The following PDE1A variants were observed in gnomAD, a reference collection of about 807,000 sequenced individuals.
PDE1A encodes the protein phosphodiesterase 1A, also known as dual specificity calcium/calmodulin-dependent 3',5'-cyclic nucleotide phosphodiesterase 1A.
A neutral mutation model predicts 61.7 loss-of-function variants in PDE1A; 35 were observed. The observed-to-expected ratio is 0.57, with a 90% CI of 0.43 to 0.75. The LOEUF is 0.75. Ranked by LOEUF, PDE1A falls within the 30% of genes least tolerant of loss-of-function variation. The pLI is 0.00. For synonymous variants in PDE1A, 232 were observed against 213.2 expected (o/e 1.09, Z -0.77); for missense variants, 597 against 630.6 (o/e 0.95, Z 0.57).
chr2:182,242,218 C>T (rs1690572641), intron 2 of PDE1A, among the ~76,000 whole-genome samples: 1 of 152,142 alleles, frequency 6.6e-6, no homozygotes, highest in Non-Finnish European at 1.5e-5. Flanking sequence ...GTCCTATACT[C>T]ATAAATGATC....
In PDE1A at chr2:182,193,051, G is replaced by A. The variant is rs147480912; in HGVS notation, c.1126-3991C>T. On this transcript the variant is annotated intron_variant, in intron 10 of 13. Transcript: ENST00000351439. The stretch of plus-strand genomic sequence containing the variant: ...CGCCCAGGCTGGAGTGCAGTAGCAT[G>A]GTATCGGCTCACTGCAACCTCCGCC... Among the ~76,000 whole-genome samples, 41 of 152,050 alleles carry A rather than the reference G, an allele frequency of 2.7e-4. 2 individuals carry two copies. The highest frequency in any genetic ancestry group is 8.4e-4 in the African/African-American group (35 of 41,506).
At chr2:182,370,521 C>T (rs2125240653) in intron 1 of PDE1A, among the ~76,000 whole-genome samples, 1 of 152,262 alleles carries the variant, frequency 6.6e-6, no homozygotes, top group African/African-American at 2.4e-5. Context: ...TTCTTAAGCA[C>T]CACCCAGGCA....
the PDE1A span, among the ~76,000 whole-genome samples, chr2:182,576,263 C>T: frequency 3.7e-4 from 56 of 152,052 alleles, no homozygotes; most frequent in African/African-American, 5.3e-4. Flanking sequence ...TTCTACTTTA[C>T]GTCTCTATGA....
chr2:182,466,407 T>C (rs919007152), intron 2 of PDE1A, among the ~76,000 whole-genome samples: 1 of 152,078 alleles, frequency 6.6e-6, no homozygotes, highest in African/African-American at 2.4e-5. Context: ...TTGTCATTGA[T>C]AACTTCTGCC....
intron 1 of PDE1A, among the ~76,000 whole-genome samples, chr2:182,306,622 T>TGGA (rs1695603821): frequency 1.3e-5 from 2 of 151,980 alleles, no homozygotes; most frequent in Non-Finnish European, 2.9e-5. Flanking sequence ...ATAGACACAT[T>TGGA]TGCCAATGGA....
intron 2 of PDE1A, among the ~76,000 whole-genome samples, chr2:182,474,923 A>T (rs1687258041): frequency 6.6e-6 from 1 of 151,908 alleles, no homozygotes. Context: ...ACAAAAGAGA[A>T]GATAAACACT....
chr2:182,302,000 C>A (rs1695274571), intron 1 of PDE1A, among the ~76,000 whole-genome samples: 2 of 152,122 alleles, frequency 1.3e-5, no homozygotes, highest in Non-Finnish European at 2.9e-5. Context: ...ACCATTAAGT[C>A]TCCTGTACTA....
chr2:182,276,868 G>T (rs942543515), intron 1 of PDE1A, among the ~76,000 whole-genome samples: 11 of 151,978 alleles, frequency 7.2e-5, no homozygotes, highest in African/African-American at 2.2e-4. Context: ...TGTCTTATGT[G>T]GTTGAGATAA....
At chr2:182,592,696 T>G in the PDE1A span, among the ~76,000 whole-genome samples, 1 of 152,192 alleles carries the variant, frequency 6.6e-6, no homozygotes, top group African/African-American at 2.4e-5. Flanking sequence ...CACAGCCACA[T>G]GGAGGTGTTT....
At chr2:182,694,691 C>T in the PDE1A span, among the ~76,000 whole-genome samples, 2 of 151,772 alleles carry the variant, frequency 1.3e-5, no homozygotes, top group African/African-American at 2.4e-5. Context: ...ATGCTAAAAA[C>T]CCAGAAAGAA....
At chr2:182,227,386 A>C (rs1689227072) in intron 6 of PDE1A, among the ~76,000 whole-genome samples, 1 of 152,054 alleles carries the variant, frequency 6.6e-6, no homozygotes, top group Admixed American at 6.6e-5. Context: ...GAGAATTTCA[A>C]GTCAGAAAAT....
At chr2:182,320,405 A>G (rs1696627056) in intron 1 of PDE1A, among the ~76,000 whole-genome samples, 2 of 152,182 alleles carry the variant, frequency 1.3e-5, no homozygotes, top group Admixed American at 1.3e-4. Context: ...AAATTTGCCA[A>G]AGAAGACTTG....
At chr2:182,497,336 A>C (rs1688778523) in intron 2 of PDE1A, among the ~76,000 whole-genome samples, 1 of 152,224 alleles carries the variant, frequency 6.6e-6, no homozygotes, top group African/African-American at 2.4e-5. Context: ...TTTCACCCTA[A>C]AGATCCCTGA....
intron 2 of PDE1A, among the ~76,000 whole-genome samples, chr2:182,494,079 A>C (rs1436482843): frequency 6.6e-6 from 1 of 152,254 alleles, no homozygotes; most frequent in African/African-American, 2.4e-5. Flanking sequence ...ATGTACATTC[A>C]AAACAATCGA....
At chr2:182,210,499 T>C (rs1361464258) in intron 7 of PDE1A, among the ~76,000 whole-genome samples, 1 of 152,224 alleles carries the variant, frequency 6.6e-6, no homozygotes, top group Non-Finnish European at 1.5e-5. Context: ...TAAATTAGGT[T>C]GTTAGTTTTC....
At chr2:182,465,816 C>A (rs994411884) in intron 2 of PDE1A, among the ~76,000 whole-genome samples, 2 of 151,946 alleles carry the variant, frequency 1.3e-5, no homozygotes, top group Admixed American at 1.3e-4. Context: ...TTTCTAAAAG[C>A]CTTAATAAAA....
At chr2:182,368,583 T>C (rs2164861) in intron 1 of PDE1A, among the ~76,000 whole-genome samples, 69,249 of 151,502 alleles carry the variant, frequency 0.46, 16,847 homozygotes, top group East Asian at 0.66. Context: ...ATGATTCATC[T>C]GTTGTTGCAT....
At chr2:182,618,948 G>A in the PDE1A span, among the ~76,000 whole-genome samples, 1 of 151,224 alleles carries the variant, frequency 6.6e-6, no homozygotes, top group East Asian at 1.9e-4. Context: ...CAGAATAAAC[G>A]ACATAATCTA....
chr2:182,698,658 T>C, the PDE1A span, among the ~76,000 whole-genome samples: 1 of 152,242 alleles, frequency 6.6e-6, no homozygotes, highest in East Asian at 1.9e-4. Context: ...AAAGTGCTCA[T>C]AGTAATTATA....
Sources: allele counts gnomAD v4.1 joint callset (sites outside exome capture counted in the v4.1 genomes callset), GRCh38; gene constraint gnomAD v4.1.1; transcripts MANE v1.5; gene names NCBI Gene and HGNC (gene_info 2026-07-23, HGNC 2026-07-21).